The following CNTLN variants were observed in gnomAD, a reference collection of about 807,000 sequenced individuals.
The protein encoded by CNTLN is centlein.
Under a neutral mutation model 180.0 loss-of-function variants are expected in CNTLN, and 212 were observed. The observed-to-expected ratio is 1.18, with a 90% CI of 1.05 to 1.32. The LOEUF is 1.32. Among genes scored for constraint, CNTLN ranks in the 40% most tolerant of loss-of-function variants. The pLI, the probability that CNTLN is intolerant of heterozygous loss-of-function variation, is 0.00. For missense variants in CNTLN, 2,095 were observed against 1,610.9 expected (o/e 1.30, Z -5.14); for synonymous variants, 722 against 563.1 (o/e 1.28, Z -3.99).
intron 16 of CNTLN, among the ~76,000 whole-genome samples, chr9:17,415,124 C>G (rs1828130646): frequency 6.6e-6 from 1 of 151,912 alleles, no homozygotes; most frequent in South Asian, 2.1e-4. Flanking sequence ...ACATGTTTTA[C>G]TACTAATATA....
intron 2 of CNTLN, among the ~76,000 whole-genome samples, chr9:17,214,008 A>G (rs1036783822): frequency 6.6e-6 from 1 of 152,274 alleles, no homozygotes; most frequent in African/African-American, 2.4e-5. Context: ...CTCTTTATCC[A>G]ATTTGCCAGT....
chr9:17,485,341 T>C (rs1832839788), intron 24 of CNTLN, among the ~76,000 whole-genome samples: 2 of 152,104 alleles, frequency 1.3e-5, no homozygotes, highest in Admixed American at 1.3e-4. Context: ...ATCTACAATA[T>C]GTAAAGATTT....
intron 6 of CNTLN, among the ~76,000 whole-genome samples, chr9:17,290,689 A>T (rs1309410419): frequency 6.6e-6 from 1 of 150,794 alleles, no homozygotes; most frequent in East Asian, 1.9e-4. Flanking sequence ...CCTCCGAGCC[A>T]GGTGTGGGAT....
intron 6 of CNTLN, among the ~76,000 whole-genome samples, chr9:17,285,165 C>G (rs1218660197): frequency 8.1e-6 from 1 of 122,708 alleles, no homozygotes; most frequent in Non-Finnish European, 1.7e-5. Context: ...TCCCCCCACC[C>G]CACCACAGTC....
At chr9:17,456,181 G>A (rs1050261144) in intron 18 of CNTLN, among the ~76,000 whole-genome samples, 4 of 152,038 alleles carry the variant, frequency 2.6e-5, no homozygotes, top group African/African-American at 9.7e-5. Context: ...GGAGGGAGAT[G>A]GATTCAAGGT....
In CNTLN at chr9:17,390,422, A is replaced by G. The variant is rs1261942529; in HGVS notation, c.2079+2169A>G. The stretch of plus-strand genomic sequence containing the variant: ...CCTGGCTAATTTTTGTGTTTTTCGT[A>G]GAGATGAGGTTTCATTTCACCATGT... On this transcript the variant is annotated intron_variant, in intron 14 of 25. Coordinates refer to ENST00000380647, the MANE Select transcript of CNTLN (RefSeq NM_017738.4). Among the ~76,000 whole-genome samples, 5 of 151,694 alleles carry G rather than the reference A, an allele frequency of 3.3e-5. No individual in the cohort carries two copies. The East Asian group carries it at 9.7e-4, about 29-fold the overall frequency.
chr9:17,433,193 T>C (rs1233907093), intron 18 of CNTLN, among the ~76,000 whole-genome samples: 3 of 151,990 alleles, frequency 2.0e-5, no homozygotes, highest in African/African-American at 7.2e-5. Flanking sequence ...GCTTGACTTA[T>C]AACTGTCTTT....
In CNTLN at chr9:17,207,869, G is replaced by T. The variant is rs181138735; in HGVS notation, c.450-18334G>T. 6.4e-4 allele frequency among the ~76,000 whole-genome samples: 97 copies of T among 152,218 alleles called. 1 individual carries two copies. Among genetic ancestry groups the T allele is most frequent in the African/African-American group, 2.3e-3 (96 of 41,556 alleles). ...TCAGTCCTAATAATTTTCTTGTGGAGTCTTTAGGTTTTTCCAAATATAAGA... is the reference window on the plus strand; with the variant it reads ...TCAGTCCTAATAATTTTCTTGTGGATTCTTTAGGTTTTTCCAAATATAAGA... On this transcript the variant is annotated intron_variant, in intron 2 of 25. Transcript: ENST00000380647.
chr9:17,313,511 C>T (rs1178317381), intron 8 of CNTLN, among the ~76,000 whole-genome samples: 2 of 151,934 alleles, frequency 1.3e-5, no homozygotes, highest in African/African-American at 2.4e-5. Context: ...TTCACTTAAA[C>T]GTAATGTGTC....
chr9:17,252,052 A>G (rs757877294), intron 5 of CNTLN, among the ~76,000 whole-genome samples: 8 of 151,990 alleles, frequency 5.3e-5, no homozygotes, highest in Middle Eastern at 3.4e-3. Flanking sequence ...TGCTACTTCA[A>G]ATGGTATGAT....
At chr9:17,442,596 G>A (rs546063933) in intron 18 of CNTLN, among the ~76,000 whole-genome samples, 6 of 152,094 alleles carry the variant, frequency 3.9e-5, no homozygotes, top group East Asian at 1.9e-4. Context: ...ACAAGGTTTC[G>A]CCATGTTGAC....
intron 18 of CNTLN, among the ~76,000 whole-genome samples, chr9:17,429,759 C>A (rs1240424178): frequency 6.6e-6 from 1 of 151,936 alleles, no homozygotes; most frequent in Non-Finnish European, 1.5e-5. Flanking sequence ...TCTCTCTAAT[C>A]ATCCTGCACA....
At chr9:17,179,261 A>AGAAG (rs1554649148) in intron 2 of CNTLN, among the ~76,000 whole-genome samples, 1 of 138,642 alleles carries the variant, frequency 7.2e-6, no homozygotes, top group Admixed American at 7.1e-5. Context: ...AAAAAAAAAA[A>AGAAG]AAGAAGAAGT....
At chr9:17,177,745 G>A (rs1310813543) in intron 2 of CNTLN, among the ~76,000 whole-genome samples, 4 of 152,076 alleles carry the variant, frequency 2.6e-5, no homozygotes, top group African/African-American at 4.8e-5. Context: ...AGACCTTCGC[G>A]GTGAGTGTTA....
intron 13 of CNTLN, among the ~76,000 whole-genome samples, chr9:17,384,859 C>T (rs1825564378): frequency 6.6e-6 from 1 of 152,130 alleles, no homozygotes; most frequent in African/African-American, 2.4e-5. Flanking sequence ...TAACTCATTG[C>T]TTCTCTAAAC....
intron 13 of CNTLN, among the ~76,000 whole-genome samples, chr9:17,383,412 G>T (rs922659109): frequency 6.6e-6 from 1 of 151,906 alleles, no homozygotes; most frequent in East Asian, 2.0e-4. Flanking sequence ...TACTTGGGTC[G>T]CTGAGGCTGG....
intron 18 of CNTLN, among the ~76,000 whole-genome samples, chr9:17,432,930 A>C (rs2133990108): frequency 1.3e-5 from 2 of 150,122 alleles, no homozygotes; most frequent in Middle Eastern, 6.8e-3. Context: ...CTGAGGCAGG[A>C]GAATAGCTTG....
At position 17,390,858 on chromosome 9, in the gene CNTLN, A is replaced by T. The variant is rs1480585344; in HGVS notation, c.2079+2605A>T. Among the ~76,000 whole-genome samples, 4 of 152,240 alleles carry T rather than the reference A, an allele frequency of 2.6e-5. No homozygotes were observed. The East Asian group carries it at 5.8e-4, about 22-fold the overall frequency. ...TAAATAATTTTGACCAGTTCTCATG[A>T]TTAAACATACATTCATATTAGGAAG... is the stretch of plus-strand genomic sequence containing the variant. On this transcript the variant is annotated intron_variant, in intron 14 of 25. Coordinates refer to ENST00000380647, the MANE Select transcript of CNTLN (RefSeq NM_017738.4).
At chr9:17,205,942 A>G (rs773182876) in intron 2 of CNTLN, among the ~76,000 whole-genome samples, 2 of 152,170 alleles carry the variant, frequency 1.3e-5, no homozygotes, top group African/African-American at 2.4e-5. Flanking sequence ...AAGCCTTGCA[A>G]TGAGAGGCAT....
Sources: allele counts gnomAD v4.1 joint callset (sites outside exome capture counted in the v4.1 genomes callset), GRCh38; gene constraint gnomAD v4.1.1; transcripts MANE v1.5; gene names NCBI Gene and HGNC (gene_info 2026-07-23, HGNC 2026-07-21).